KIAA0825: variants seen among roughly 807,000 people sequenced by gnomAD.
KIAA0825 encodes uncharacterized protein KIAA0825.
A neutral mutation model predicts 147.6 loss-of-function variants in KIAA0825; 119 were observed. The ratio of observed to expected loss-of-function variants is 0.81; its 90% CI spans 0.69 to 0.94. KIAA0825 has a LOEUF of 0.94. Among genes scored for constraint, KIAA0825 ranks in the 40% least tolerant of loss-of-function variants. The pLI is 0.00. For missense variants in KIAA0825, 1,381 were observed against 1,472.7 expected (o/e 0.94, Z 1.02); for synonymous variants, 470 against 518.1 (o/e 0.91, Z 1.26).
chr5:94,616,467 C>T (rs542488520), intron 1 of KIAA0825, among the ~76,000 whole-genome samples: 1 of 152,206 alleles, frequency 6.6e-6, no homozygotes, highest in African/African-American at 2.4e-5. Context: ...CTAATAATTC[C>T]TTATAAATCA....
At chr5:94,421,653 A>G (rs1754203184) in intron 14 of KIAA0825, among the ~76,000 whole-genome samples, 2 of 152,132 alleles carry the variant, frequency 1.3e-5, no homozygotes, top group African/African-American at 4.8e-5. Flanking sequence ...CTATTAATAT[A>G]GTTTAGGTTT....
intron 20 of KIAA0825, among the ~76,000 whole-genome samples, chr5:94,160,785 A>G (rs932571926): frequency 4.6e-5 from 7 of 151,988 alleles, no homozygotes; most frequent in African/African-American, 1.7e-4. Flanking sequence ...CAAACAGTGA[A>G]GAGTAAAGTC....
At chr5:94,332,334 C>T (rs1178037769) in intron 20 of KIAA0825, among the ~76,000 whole-genome samples, 1 of 151,678 alleles carries the variant, frequency 6.6e-6, no homozygotes, top group East Asian at 1.9e-4. Flanking sequence ...CCCATCAACA[C>T]GTCATCTACA....
chr5:94,180,421 T>G (rs1769506495), intron 20 of KIAA0825, among the ~76,000 whole-genome samples: 1 of 152,056 alleles, frequency 6.6e-6, no homozygotes, highest in African/African-American at 2.4e-5. Context: ...ATGTGAGATT[T>G]TGGAAAACAA....
At chr5:94,417,665 ATTC>A (rs1753641623) in intron 14 of KIAA0825, among the ~76,000 whole-genome samples, 1 of 152,156 alleles carries the variant, frequency 6.6e-6, no homozygotes, top group African/African-American at 2.4e-5. Context: ...CAATGTCATA[ATTC>A]TTCTTTCTCT....
intron 14 of KIAA0825, among the ~76,000 whole-genome samples, chr5:94,430,016 G>A (rs555483588): frequency 6.6e-5 from 10 of 152,234 alleles, no homozygotes; most frequent in Admixed American, 2.0e-4. Flanking sequence ...CTGAAGGTCT[G>A]CCTGCACATG....
chr5:94,438,415 T>C (rs1756649379), intron 14 of KIAA0825, among the ~76,000 whole-genome samples: 1 of 152,220 alleles, frequency 6.6e-6, no homozygotes, highest in Non-Finnish European at 1.5e-5. Context: ...GTGAGTTTTC[T>C]CTTTAGGAGA....
Position 94,484,763 on chromosome 5 carries a change from T to A in KIAA0825, c.1132+6A>T. The A allele has an allele frequency of 6.8e-7, 1 of 1,462,106 alleles. No homozygotes were observed. Among genetic ancestry groups the A allele is most frequent in the Non-Finnish European group, 9.2e-7 (1 of 1,090,066 alleles). The allele number at this position is 1,462,106 out of a possible 1,614,324, so 90.6% of individuals were successfully genotyped here. On this transcript the variant is annotated splice_donor_region_variant and intron_variant, in intron 6 of 20. Coordinates refer to ENST00000682413, the MANE Select transcript of KIAA0825 (RefSeq NM_001145678.3). ...ATTTACAAATTTAAACAAAAGAGGA[T>A]ATTACCTGAAGTATCCCTGGTTATC... is the stretch of plus-strand genomic sequence containing the variant.
chr5:94,247,748 T>C (rs1775706366), intron 20 of KIAA0825, among the ~76,000 whole-genome samples: 1 of 152,128 alleles, frequency 6.6e-6, no homozygotes, highest in South Asian at 2.1e-4. Flanking sequence ...TCCCAAATAG[T>C]TGAATCTTTT....
intron 20 of KIAA0825, among the ~76,000 whole-genome samples, chr5:94,299,640 T>A (rs961001190): frequency 6.6e-6 from 1 of 152,196 alleles, no homozygotes; most frequent in South Asian, 2.1e-4. Flanking sequence ...AATTTGAAAT[T>A]CCTAATGTGA....
At chr5:94,411,812 T>C (rs1396457462) in intron 15 of KIAA0825, among the ~76,000 whole-genome samples, 1 of 152,112 alleles carries the variant, frequency 6.6e-6, no homozygotes, top group East Asian at 1.9e-4. Context: ...CCAGGCGTGG[T>C]GGCTCGTGCC....
At chr5:94,403,826 G>T in intron 15 of KIAA0825, 33 bp from the exon 16 acceptor site, 1 of 1,516,482 alleles carries the variant, frequency 6.6e-7, no homozygotes, top group South Asian at 1.2e-5. Context: ...ATGGTTAGCA[G>T]AACCTAGCAA....
intron 19 of KIAA0825, among the ~76,000 whole-genome samples, chr5:94,385,832 A>G (rs1052324403): frequency 2.0e-5 from 3 of 152,210 alleles, no homozygotes; most frequent in Admixed American, 2.0e-4. Context: ...CTCTATTTAT[A>G]ATTAATTTTA....
intron 6 of KIAA0825, among the ~76,000 whole-genome samples, chr5:94,484,321 C>T (rs554919239): frequency 1.4e-4 from 21 of 151,680 alleles, no homozygotes; most frequent in African/African-American, 4.3e-4. Flanking sequence ...AGCATCTAAT[C>T]CTGAAAGAAA....
At chr5:94,402,795 CTTT>C (rs1401292666) in intron 16 of KIAA0825, among the ~76,000 whole-genome samples, 1 of 151,216 alleles carries the variant, frequency 6.6e-6, no homozygotes, top group Non-Finnish European at 1.5e-5. Flanking sequence ...AAATATTCTT[CTTT>C]AAGGATGAAT....
chr5:94,393,495 G>A (rs2150569894), intron 17 of KIAA0825, among the ~76,000 whole-genome samples: 1 of 152,290 alleles, frequency 6.6e-6, no homozygotes, highest in Non-Finnish European at 1.5e-5. Context: ...CTTTTCCACT[G>A]CAGTTATTTT....
intron 1 of KIAA0825, chr5:94,594,704 G>A: frequency 1.6e-6 from 1 of 633,276 alleles, no homozygotes; most frequent in Non-Finnish European, 3.0e-6. Flanking sequence ...AGATTCCTTG[G>A]TTTGAATGGA....
intron 20 of KIAA0825, among the ~76,000 whole-genome samples, chr5:94,282,748 A>G (rs910042985): frequency 1.3e-5 from 2 of 152,106 alleles, no homozygotes; most frequent in Non-Finnish European, 1.5e-5. Context: ...AATGTAAGAA[A>G]TGTTTGTAGG....
intron 20 of KIAA0825, among the ~76,000 whole-genome samples, chr5:94,202,210 A>T (rs1457115845): frequency 6.6e-6 from 1 of 152,236 alleles, no homozygotes; most frequent in East Asian, 1.9e-4. Flanking sequence ...AACACTTAAA[A>T]GCCACTGTTC....
Sources: allele counts gnomAD v4.1 joint callset (sites outside exome capture counted in the v4.1 genomes callset), GRCh38; gene constraint gnomAD v4.1.1; transcripts MANE v1.5; gene names NCBI Gene and HGNC (gene_info 2026-07-23, HGNC 2026-07-21).